The following CFAP299 variants were observed in gnomAD, a reference collection of about 807,000 sequenced individuals.
The protein encoded by CFAP299 is cilia- and flagella-associated protein 299.
Under a neutral mutation model 27.0 loss-of-function variants are expected in CFAP299, and 21 were observed. The observed-to-expected ratio is 0.78, with a 90% CI of 0.55 to 1.12. The LOEUF (loss-of-function observed/expected upper bound fraction) is 1.12, where lower values mean the gene tolerates loss of function less well. Among genes scored for constraint, CFAP299 ranks in the 50% most tolerant of loss-of-function variants. The probability of loss-of-function intolerance (pLI) is 0.00; values close to 1 mark genes in which losing one functional copy is unlikely to be tolerated. For missense variants in CFAP299, 310 were observed against 276.6 expected, an observed-to-expected ratio of 1.12 and a Z score of -0.86; for synonymous variants, 104 against 98.1, an observed-to-expected ratio of 1.06 and a Z score of -0.36.
the CFAP299 span, among the ~76,000 whole-genome samples, chr4:80,326,834 T>C: frequency 6.6e-6 from 1 of 152,248 alleles, no homozygotes; most frequent in African/African-American, 2.4e-5. Flanking sequence ...TAAGTGTATC[T>C]ATAATTACAA....
At chr4:80,875,276 T>G (rs184030969) in intron 4 of CFAP299, among the ~76,000 whole-genome samples, 10 of 152,220 alleles carry the variant, frequency 6.6e-5, no homozygotes, top group Non-Finnish European at 1.2e-4. Context: ...TTATTTGGCC[T>G]GCACAATTGT....
At chr4:80,708,126 G>A (rs1638680334) in intron 3 of CFAP299, among the ~76,000 whole-genome samples, 1 of 152,036 alleles carries the variant, frequency 6.6e-6, no homozygotes, top group South Asian at 2.1e-4. Flanking sequence ...TCAACAGCAA[G>A]TGCAACTCTT....
intron 4 of CFAP299, among the ~76,000 whole-genome samples, chr4:80,890,637 C>G (rs540879439): frequency 4.0e-4 from 60 of 149,498 alleles, no homozygotes; most frequent in Admixed American, 8.0e-4. Context: ...AATCGCCACA[C>G]TGACTTCCAC....
chr4:80,801,887 G>C (rs922645235), intron 3 of CFAP299, among the ~76,000 whole-genome samples: 1 of 152,070 alleles, frequency 6.6e-6, no homozygotes, highest in Non-Finnish European at 1.5e-5. Context: ...AAGTTCAGTA[G>C]AAATGCAATC....
chr4:80,769,403 T>C (rs1429934415), intron 3 of CFAP299, among the ~76,000 whole-genome samples: 2 of 152,160 alleles, frequency 1.3e-5, no homozygotes, highest in African/African-American at 4.8e-5. Context: ...TTCCTATTTA[T>C]TTATTTTTTG....
At chr4:80,899,846 C>T (rs1006832491) in intron 4 of CFAP299, among the ~76,000 whole-genome samples, 4 of 152,108 alleles carry the variant, frequency 2.6e-5, no homozygotes, top group Non-Finnish European at 5.9e-5. Context: ...ATAATACCTG[C>T]CTCAAAGGGT....
At chr4:80,325,405 T>G in the CFAP299 span, among the ~76,000 whole-genome samples, 4 of 152,238 alleles carry the variant, frequency 2.6e-5, no homozygotes, top group Non-Finnish European at 5.9e-5. Flanking sequence ...TTCTGAGATA[T>G]CAGTATATTT....
chr4:80,509,303 A>C (rs376602312), intron 2 of CFAP299, among the ~76,000 whole-genome samples: 3 of 152,220 alleles, frequency 2.0e-5, no homozygotes, highest in African/African-American at 7.2e-5. Flanking sequence ...TCTTTGATTC[A>C]TGAGGAAATA....
chr4:80,502,651 T>C (rs1425077305), intron 2 of CFAP299, among the ~76,000 whole-genome samples: 1 of 152,118 alleles, frequency 6.6e-6, no homozygotes, highest in African/African-American at 2.4e-5. Flanking sequence ...TTCTTGGTTT[T>C]CTGTCTGCTT....
chr4:80,462,751 A>T (rs1199898028), intron 2 of CFAP299, among the ~76,000 whole-genome samples: 1 of 152,158 alleles, frequency 6.6e-6, no homozygotes, highest in Non-Finnish European at 1.5e-5. Flanking sequence ...TGATCTGGAG[A>T]TGCTTCAAAT....
chr4:80,546,975 A>C (rs1018439165), intron 2 of CFAP299, among the ~76,000 whole-genome samples: 1 of 152,170 alleles, frequency 6.6e-6, no homozygotes, highest in Non-Finnish European at 1.5e-5. Context: ...TATAGATTCA[A>C]TGCTATTCCA....
At chr4:80,856,671 C>T (rs993206809) in intron 3 of CFAP299, among the ~76,000 whole-genome samples, 1 of 152,152 alleles carries the variant, frequency 6.6e-6, no homozygotes, top group Non-Finnish European at 1.5e-5. Flanking sequence ...ATCCTTTCCC[C>T]ATTGCTTGTT....
intron 2 of CFAP299, among the ~76,000 whole-genome samples, chr4:80,430,682 G>A (rs1386796745): frequency 1.3e-5 from 2 of 152,074 alleles, no homozygotes; most frequent in African/African-American, 4.8e-5. Context: ...TGACTATCTA[G>A]TACATAGAGA....
chr4:80,871,210 A>G (rs1198881111), intron 4 of CFAP299: 2 of 985,434 alleles, frequency 2.0e-6, no homozygotes, highest in Non-Finnish European at 2.4e-6. Context: ...CCTGACTCCC[A>G]TCTCCACTGT....
chr4:80,697,038 T>A (rs1721141107), intron 3 of CFAP299, among the ~76,000 whole-genome samples: 1 of 152,182 alleles, frequency 6.6e-6, no homozygotes, highest in Non-Finnish European at 1.5e-5. Context: ...ATTAAAAAAA[T>A]AGTCATTTCT....
chr4:80,782,996 T>G (rs970130105), intron 3 of CFAP299, among the ~76,000 whole-genome samples: 3 of 151,910 alleles, frequency 2.0e-5, no homozygotes, highest in Non-Finnish European at 2.9e-5. Context: ...CAGAGTAGAT[T>G]AGTTATCTAT....
At chr4:80,773,187 G>A (rs1726322676) in intron 3 of CFAP299, among the ~76,000 whole-genome samples, 1 of 152,054 alleles carries the variant, frequency 6.6e-6, no homozygotes, top group Non-Finnish European at 1.5e-5. Flanking sequence ...GTAAAATTCT[G>A]GGAGATATAA....
chr4:80,654,691 G>T (rs1317454124), intron 3 of CFAP299, among the ~76,000 whole-genome samples: 1 of 151,818 alleles, frequency 6.6e-6, no homozygotes, highest in Non-Finnish European at 1.5e-5. Context: ...ATAGCTTACT[G>T]CAATCTCCTG....
At chr4:80,367,635 T>C (rs1723910036) in intron 2 of CFAP299, among the ~76,000 whole-genome samples, 1 of 152,154 alleles carries the variant, frequency 6.6e-6, no homozygotes, top group Non-Finnish European at 1.5e-5. Flanking sequence ...AGCTTTCTCG[T>C]CCTTTGCTTC....
Sources: allele counts gnomAD v4.1 joint callset (sites outside exome capture counted in the v4.1 genomes callset), GRCh38; gene constraint gnomAD v4.1.1; transcripts MANE v1.5; gene names NCBI Gene and HGNC (gene_info 2026-07-23, HGNC 2026-07-21).